ADGRB3: variants seen among roughly 807,000 people sequenced by gnomAD.
ADGRB3 encodes brain-specific angiogenesis inhibitor 3.
In ADGRB3, 37 loss-of-function variants were observed where a neutral mutation model predicts 193.4. The ratio of observed to expected loss-of-function variants is 0.19; its 90% CI spans 0.15 to 0.25. The LOEUF is 0.25. Among genes scored for constraint, ADGRB3 ranks in the 10% least tolerant of loss-of-function variants. The pLI, the probability that ADGRB3 is intolerant of heterozygous loss-of-function variation, is 1.00. For synonymous variants in ADGRB3, 690 were observed against 644.2 expected, an observed-to-expected ratio of 1.07 and a Z score of -1.08; for missense variants, 1,637 against 1,852.9, an observed-to-expected ratio of 0.88 and a Z score of 2.14.
chr6:69,180,227 A>G (rs1775542473), intron 17 of ADGRB3, among the ~76,000 whole-genome samples: 1 of 152,000 alleles, frequency 6.6e-6, no homozygotes. Flanking sequence ...AGTCCCTTCT[A>G]CATTAGGATC....
At chr6:68,645,180 A>T (rs774869908) in intron 3 of ADGRB3, among the ~76,000 whole-genome samples, 21 of 151,832 alleles carry the variant, frequency 1.4e-4, no homozygotes, top group Non-Finnish European at 2.5e-4. Flanking sequence ...TTTTTTTCTA[A>T]ATTGTATATA....
chr6:69,368,914 G>A (rs1345765931), intron 29 of ADGRB3, among the ~76,000 whole-genome samples: 2 of 152,038 alleles, frequency 1.3e-5, no homozygotes, highest in Non-Finnish European at 2.9e-5. Context: ...TTAAGAAGAG[G>A]AAACAGCATA....
intron 20 of ADGRB3, among the ~76,000 whole-genome samples, chr6:69,303,962 T>C (rs1342328287): frequency 6.6e-5 from 10 of 152,084 alleles, no homozygotes; most frequent in Middle Eastern, 3.4e-3. Flanking sequence ...TTTATTCAAA[T>C]AATAGCTCTC....
chr6:68,651,004 G>T (rs1768353321), intron 3 of ADGRB3, among the ~76,000 whole-genome samples: 2 of 152,182 alleles, frequency 1.3e-5, no homozygotes, highest in African/African-American at 4.8e-5. Flanking sequence ...AATGTAAAAA[G>T]AGGGCAACTT....
At chr6:68,747,861 G>C (rs939680740) in intron 3 of ADGRB3, among the ~76,000 whole-genome samples, 50 of 152,254 alleles carry the variant, frequency 3.3e-4, no homozygotes, top group Non-Finnish European at 1.6e-4. Context: ...CCGTGACTTG[G>C]AAGAAAAAGA....
intron 17 of ADGRB3, among the ~76,000 whole-genome samples, chr6:69,206,044 G>GATATATATAT (rs1561952181): frequency 6.9e-5 from 3 of 43,670 alleles, no homozygotes; most frequent in Admixed American, 2.7e-4. Flanking sequence ...ATATAATAAT[G>GATATATATAT]GTATATATAT....
chr6:69,369,849 T>G (rs28537099), intron 29 of ADGRB3, among the ~76,000 whole-genome samples: 20 of 152,174 alleles, frequency 1.3e-4, no homozygotes, highest in African/African-American at 4.6e-4. Flanking sequence ...AATATGTAAA[T>G]ATCAAATTGC....
chr6:68,814,221 G>A (rs960690982), intron 3 of ADGRB3, among the ~76,000 whole-genome samples: 1 of 152,178 alleles, frequency 6.6e-6, no homozygotes, highest in African/African-American at 2.4e-5. Context: ...GGCACCTGTT[G>A]TTTCCTGACT....
At chr6:69,287,313 G>T (rs556402610) in intron 20 of ADGRB3, among the ~76,000 whole-genome samples, 2 of 152,208 alleles carry the variant, frequency 1.3e-5, no homozygotes, top group South Asian at 4.1e-4. Flanking sequence ...AATCTCTTCA[G>T]TCTCCAGAGG....
intron 3 of ADGRB3, among the ~76,000 whole-genome samples, chr6:68,842,386 A>G (rs755409960): frequency 6.6e-6 from 1 of 151,934 alleles, no homozygotes; most frequent in Non-Finnish European, 1.5e-5. Context: ...AATGTTAGGA[A>G]CTATATAACT....
rs148606686 is a variant in ADGRB3, at chr6:68,639,192, A to G, written c.517A>G (p.Thr173Ala). The G allele has an allele frequency of 4.8e-5, 77 of 1,614,208 alleles. No individual in the cohort carries two copies. In the African/African-American group the frequency reaches 8.5e-4, roughly 18 times the overall value. ...CCAGTTTGGTTGCCATGTATTATGT[A>G]CTTGGTTGGAGAGCTGCTTAAAATC... Reference protein sequence around the residue: ...PSQFGCHVLCTWLESCLKSEN... With the variant: ...PSQFGCHVLCAWLESCLKSEN... Residue 173 changes from threonine to alanine, a missense_variant, in exon 3 of 32, where the codon ACT (threonine) becomes GCT (alanine). Physicochemically the swap from Thr to Ala is moderately conservative, Grantham distance 58. This residue lies in a region of ADGRB3 where 365 missense variants were observed against 409.8 expected (regional missense o/e 0.89). Coordinates refer to ENST00000370598, the MANE Select transcript of ADGRB3 (RefSeq NM_001704.3).
At chr6:68,957,497 A>C (rs1242693697) in intron 8 of ADGRB3, among the ~76,000 whole-genome samples, 1 of 152,202 alleles carries the variant, frequency 6.6e-6, no homozygotes, top group Non-Finnish European at 1.5e-5. Context: ...TAAGTATACT[A>C]AAGATGTGAT....
Position 68,639,164 on chromosome 6 carries a change from A to C in ADGRB3, c.489A>C (p.Pro163=). The change falls in exon 3 of 32, where the codon CCA becomes CCC. Residue 163 remains proline (P), a synonymous_variant. Coordinates refer to ENST00000370598, the MANE Select transcript of ADGRB3 (RefSeq NM_001704.3). ...TTTTGGTATTGAACAAGGTCAGCCCAAGCCAGTTTGGTTGCCATGTATTAT... is the reference window on the plus strand; with the variant it reads ...TTTTGGTATTGAACAAGGTCAGCCCCAGCCAGTTTGGTTGCCATGTATTAT... ...FEFLVLNKVS[P]SQFGCHVLCT... is the part of the protein sequence containing the mutation. 1 of 1,614,222 alleles carries C rather than the reference A, an allele frequency of 6.2e-7. No homozygotes were observed. Among genetic ancestry groups the C allele is most frequent in the Non-Finnish European group, 8.5e-7 (1 of 1,180,046 alleles).
intron 17 of ADGRB3, among the ~76,000 whole-genome samples, chr6:69,178,325 C>T (rs965490922): frequency 3.9e-5 from 6 of 152,174 alleles, no homozygotes; most frequent in African/African-American, 1.4e-4. Flanking sequence ...TTATGAATGA[C>T]ATTACATTAC....
chr6:69,089,673 G>A (rs1348436521), intron 17 of ADGRB3, among the ~76,000 whole-genome samples: 2 of 152,174 alleles, frequency 1.3e-5, no homozygotes, highest in African/African-American at 4.8e-5. Flanking sequence ...TTTGTAGGAT[G>A]TACTTCACCT....
At chr6:69,387,182 C>G (rs1456848954) in intron 31 of ADGRB3, among the ~76,000 whole-genome samples, 1 of 152,098 alleles carries the variant, frequency 6.6e-6, no homozygotes, top group Admixed American at 6.6e-5. Flanking sequence ...TTTGGACCTG[C>G]ATGTATCAGG....
chr6:68,937,225 AAG>A (rs59088683), intron 5 of ADGRB3, among the ~76,000 whole-genome samples: 386 of 147,618 alleles, frequency 2.6e-3, no homozygotes, highest in Admixed American at 3.2e-3. Flanking sequence ...AAACTTAATG[AAG>A]AGAGAGAGAG....
chr6:69,286,064 G>T (rs1421266172), intron 20 of ADGRB3, among the ~76,000 whole-genome samples: 1 of 152,038 alleles, frequency 6.6e-6, no homozygotes, highest in Non-Finnish European at 1.5e-5. Flanking sequence ...GACCATTCTT[G>T]TTCCACTTCT....
At chr6:69,282,682 G>A (rs1238040213) in intron 20 of ADGRB3, among the ~76,000 whole-genome samples, 2 of 152,128 alleles carry the variant, frequency 1.3e-5, no homozygotes, top group East Asian at 3.8e-4. Context: ...AATATTTATT[G>A]GGTGACTATA....
Sources: allele counts gnomAD v4.1 joint callset (sites outside exome capture counted in the v4.1 genomes callset), GRCh38; gene constraint gnomAD v4.1.1; regional missense constraint gnomAD v4.1.1; transcripts MANE v1.5; gene names NCBI Gene and HGNC (gene_info 2026-07-23, HGNC 2026-07-21).